Variants in FUS observed in about 807,000 individuals in gnomAD.
FUS encodes FUS RNA binding protein.
Under a neutral mutation model 82.7 loss-of-function variants are expected in FUS, and 5 were observed. The ratio of observed to expected loss-of-function variants is 0.06; its 90% CI spans 0.03 to 0.13. FUS has a LOEUF of 0.13. Among genes scored for constraint, FUS ranks in the 10% least tolerant of loss-of-function variants. The pLI is 1.00. For missense variants in FUS, 512 were observed against 707.8 expected (o/e 0.72, Z 3.14); for synonymous variants, 281 against 247.4 (o/e 1.14, Z -1.27).
At chr16:31,183,687 A>C in intron 3 of FUS, 171 bp from the exon 4 acceptor site, 1 of 772,800 alleles carries the variant, frequency 1.3e-6, no homozygotes. Context: ...TTGAAGCATT[A>C]AATTTAGGCT....
In FUS at chr16:31,185,099, C is replaced by CGGTGGT. The variant is rs757651881; in HGVS notation, c.688_693dup (p.Gly230_Gly231dup). Reference sequence around the variant, plus strand: ...GCAGTGGTGGCGGCGGCGGCGGCGGCGGTGGTGGTTACAACCGCAGCAGTG... The same window carrying CGGTGGT: ...GCAGTGGTGGCGGCGGCGGCGGCGGCGGTGGTGGTGGTGGTTACAACCGCAGCAGTG... On this transcript the variant is annotated inframe_insertion, in exon 6 of 15. Transcript: ENST00000254108. 3.7e-6 allele frequency: 6 copies of CGGTGGT among 1,601,764 alleles called. No homozygotes were observed. The highest frequency in any genetic ancestry group is 1.1e-5 in the South Asian group (1 of 90,174).
chr16:31,190,678 T>C (rs2079341394), intron 12 of FUS, 64 bp from the exon 13 acceptor site: 1 of 1,453,452 alleles, frequency 6.9e-7, no homozygotes. Context: ...CCGTAGTTTC[T>C]TCCTAGTTCT....
intron 2 of FUS, 34 bp from the exon 3 acceptor site, chr16:31,182,479 G>GTT: frequency 6.2e-7 from 1 of 1,614,164 alleles, no homozygotes. Context: ...GTCACGCCAT[G>GTT]TTTTCTGATC....
rs1245591316 is a variant in FUS at position 31,190,778 on chromosome 16, A to G, written c.1329A>G (p.Glu443=). 1 of 1,614,086 alleles carries G rather than the reference A, an allele frequency of 6.2e-7. No homozygotes were observed. Among genetic ancestry groups the G allele is most frequent in the Non-Finnish European group, 8.5e-7 (1 of 1,180,048 alleles). Reference sequence around the variant, plus strand: ...ATATGAACTTCTCTTGGAGGAATGAATGCAACCAGTGTAAGGCCCCTAAAC... The same window carrying G: ...ATATGAACTTCTCTTGGAGGAATGAGTGCAACCAGTGTAAGGCCCCTAAAC... ...CENMNFSWRN[E]CNQCKAPKPD... Residue 443 remains glutamate, a synonymous_variant, in exon 13 of 15, where the codon GAA becomes GAG. Coordinates refer to ENST00000254108, the MANE Select transcript of FUS (RefSeq NM_004960.4).
chr16:31,182,494 TG>T lies in FUS; in HGVS notation c.39-17del. On this transcript the variant is annotated intron_variant, in intron 2 of 14. Coordinates refer to ENST00000254108, the MANE Select transcript of FUS (RefSeq NM_004960.4). ...GTCACGCCATGTTTTCTGATCACGC[TG>T]GTTTTCCTTTTATTTAGCTATGGGG... is the stretch of plus-strand genomic sequence containing the variant. 1 of 1,614,200 alleles carries T rather than the reference TG, an allele frequency of 6.2e-7. No individual in the cohort carries two copies. The highest frequency in any genetic ancestry group is 2.2e-5 in the East Asian group (1 of 44,886).
downstream of FUS, chr16:31,193,737 A>C (rs774311328): frequency 2.0e-4 from 107 of 532,180 alleles, 1 homozygote; most frequent in East Asian, 1.1e-3. Flanking sequence ...CTCTCAAGCC[A>C]ACCTCCCACC....
Position 31,190,647 on chromosome 16 carries a change from C to G in FUS, c.1293-95C>G, listed in dbSNP as rs1026155997. The G allele has an allele frequency of 1.6e-5, 21 of 1,295,718 alleles. No individual in the cohort carries two copies. In the African/African-American group the frequency reaches 3.1e-4, roughly 19 times the overall value. 80.3% of individuals were successfully genotyped at this position (1,295,718 alleles called of 1,614,324 possible). On this transcript the variant is annotated intron_variant, in intron 12 of 14. Coordinates refer to ENST00000254108, the MANE Select transcript of FUS (RefSeq NM_004960.4). ...TTTGTCTTTCTGAAGCTTCAGTTTC[C>G]TCACTGTATCTCTAAAGTCACCGTA...
chr16:31,191,163 G>A (rs2079351948), intron 14 of FUS, 53 bp downstream of exon 14: 4 of 1,601,396 alleles, frequency 2.5e-6, no homozygotes, highest in African/African-American at 2.7e-5. Context: ...GAGGCCATAG[G>A]ATAACAGGGT....
chr16:31,192,146 C>T, downstream of FUS: 2 of 529,896 alleles, frequency 3.8e-6, no homozygotes, highest in South Asian at 1.5e-5. Context: ...GGGTAGATAC[C>T]TGCTATAAGG....
At chr16:31,189,913 C>G (rs1237196152) in intron 10 of FUS, 119 bp downstream of exon 10, 1 of 1,582,596 alleles carries the variant, frequency 6.3e-7, no homozygotes, top group African/African-American at 1.3e-5. Flanking sequence ...GCTGCGGTTT[C>G]AGGTAGTCTC....
rs1239961797 is a variant in FUS at position 31,190,880 on chromosome 16, A to G, written c.1393+38A>G. On this transcript the variant is annotated intron_variant, in intron 13 of 14. Coordinates refer to ENST00000254108, the MANE Select transcript of FUS (RefSeq NM_004960.4). ...GACCTGGTGCTAGGGAGCTGGGACC[A>G]AAGAATCCTTAATTTTTCAGCGGGG... is the stretch of plus-strand genomic sequence containing the variant. 5.0e-6 allele frequency: 8 copies of G among 1,613,384 alleles called. No homozygotes were observed. The East Asian group carries it at 6.7e-5, about 13-fold the overall frequency.
intron 7 of FUS, chr16:31,188,031 C>T: frequency 2.0e-6 from 1 of 503,788 alleles, no homozygotes; most frequent in Non-Finnish European, 3.6e-6. Context: ...TCCCCTGCCA[C>T]CTGTGCTGAG....
intron 1 of FUS, among the ~76,000 whole-genome samples, chr16:31,180,639 G>T (rs1212904014): frequency 6.6e-6 from 1 of 152,182 alleles, no homozygotes; most frequent in East Asian, 1.9e-4. Flanking sequence ...CTCCCCCTTC[G>T]CGGCGCGGGT....
chr16:31,186,602 GTC>G (rs1230387816), intron 6 of FUS, 198 bp from the exon 7 acceptor site: 9 of 623,616 alleles, frequency 1.4e-5, no homozygotes, highest in East Asian at 1.1e-4. Flanking sequence ...TATAAACTGT[GTC>G]TGAGAAATTG....
At position 31,181,888 on chromosome 16, in the gene FUS, A is replaced by G. The variant is rs143855149; in HGVS notation, c.14-510A>G. On this transcript the variant is annotated intron_variant, in intron 1 of 14. Transcript: ENST00000254108. ...CTTCTGGGACTCTGTAGAAACTTGC[A>G]TTTTCTTCACTTTTTCTTTATTGTA... 1.1e-3 allele frequency among the ~76,000 whole-genome samples: 169 copies of G among 152,106 alleles called. 6 individuals are homozygous for G. The East Asian group carries it at 0.029, about 26-fold the overall frequency.
At chr16:31,194,293 A>AT, downstream of FUS, 2 of 526,404 alleles carry the variant, frequency 3.8e-6, no homozygotes, top group Admixed American at 2.2e-5. Context: ...ATCCTTTTTA[A>AT]ATTTTTTTTT....
At chr16:31,180,539 G>A (rs555856010) in intron 1 of FUS, among the ~76,000 whole-genome samples, 26 of 152,300 alleles carry the variant, frequency 1.7e-4, no homozygotes, top group African/African-American at 6.3e-4. Flanking sequence ...CCGTGGCCTC[G>A]CCTCCCCCAA....
chr16:31,194,553 A>G (rs1425364065), downstream of FUS: 4 of 498,560 alleles, frequency 8.0e-6, no homozygotes, highest in African/African-American at 7.7e-5. Context: ...TGATTGTCCC[A>G]CTTTGGCCTC....
At chr16:31,185,471 C>T (rs543998647) in intron 6 of FUS, 55 of 639,552 alleles carry the variant, frequency 8.6e-5, no homozygotes, top group African/African-American at 3.7e-4. Flanking sequence ...TCATTAATAT[C>T]CTAGGCAAGA....
Sources: allele counts gnomAD v4.1 joint callset (sites outside exome capture counted in the v4.1 genomes callset), GRCh38; gene constraint gnomAD v4.1.1; transcripts MANE v1.5; gene names NCBI Gene and HGNC (gene_info 2026-07-23, HGNC 2026-07-21).